SESTD1: variants seen among roughly 807,000 people sequenced by gnomAD.
The protein encoded by SESTD1 is SEC14 domain and spectrin repeat-containing protein 1.
In SESTD1, 43 loss-of-function variants were observed where a neutral mutation model predicts 101.7. The observed-to-expected ratio is 0.42, with a 90% CI of 0.33 to 0.55. SESTD1 has a LOEUF of 0.55. SESTD1 is among the 20% of genes least tolerant of loss of function. The pLI is 0.07. For synonymous variants in SESTD1, 283 were observed against 286.8 expected, an observed-to-expected ratio of 0.99 and a Z score of 0.13; for missense variants, 647 against 815.1, an observed-to-expected ratio of 0.79 and a Z score of 2.51.
intron 10 of SESTD1, among the ~76,000 whole-genome samples, chr2:179,128,483 C>T (rs1056838529): frequency 2.0e-5 from 3 of 152,118 alleles, no homozygotes; most frequent in African/African-American, 7.2e-5. Context: ...GTAATCCCAG[C>T]ACTTTGGGAG....
intron 1 of SESTD1, among the ~76,000 whole-genome samples, chr2:179,259,383 C>G (rs188152325): frequency 6.6e-6 from 1 of 152,042 alleles, no homozygotes; most frequent in Non-Finnish European, 1.5e-5. Context: ...GGTGCCCCCA[C>G]GACACCCGAC....
At chr2:179,171,407 A>T (rs901375861) in intron 5 of SESTD1, among the ~76,000 whole-genome samples, 1 of 152,170 alleles carries the variant, frequency 6.6e-6, no homozygotes, top group African/African-American at 2.4e-5. Context: ...TAGCATGGCA[A>T]GTTCCAAAAT....
At chr2:179,191,410 A>C (rs1159661567) in intron 2 of SESTD1, among the ~76,000 whole-genome samples, 1 of 152,154 alleles carries the variant, frequency 6.6e-6, no homozygotes, top group Non-Finnish European at 1.5e-5. Context: ...TGGGAGCAAC[A>C]GACACTGGAG....
At chr2:179,189,745 T>C (rs1574020266) in intron 2 of SESTD1, among the ~76,000 whole-genome samples, 1 of 151,984 alleles carries the variant, frequency 6.6e-6, no homozygotes, top group Non-Finnish European at 1.5e-5. Flanking sequence ...AAAATCAATA[T>C]ACAAAAATAA....
chr2:179,202,315 GT>G lies in SESTD1; in HGVS notation c.-25-10450del, dbSNP rs1488340072. Among the ~76,000 whole-genome samples, 6 of 133,632 alleles carry G rather than the reference GT, an allele frequency of 4.5e-5. 2 individuals are homozygous for G. The highest frequency in any genetic ancestry group is 1.8e-4 in the African/African-American group (6 of 33,644). 87.7% of individuals were successfully genotyped at this position (133,632 alleles called of 152,430 possible). A position where few individuals can be genotyped will look rare whatever the true frequency, so the allele number is the denominator to read the frequency against. ...AGGCCTAATAAAATAACACTCCCCA[GT>G]TTTTGTCACCTCCTGTCACATTTTC... is the stretch of plus-strand genomic sequence containing the variant. On this transcript the variant is annotated intron_variant, in intron 1 of 17. Coordinates refer to ENST00000428443, the MANE Select transcript of SESTD1 (RefSeq NM_178123.5).
intron 1 of SESTD1, among the ~76,000 whole-genome samples, chr2:179,226,977 G>A (rs2105533160): frequency 6.6e-6 from 1 of 152,306 alleles, no homozygotes; most frequent in East Asian, 1.9e-4. Context: ...AAAGAACTAT[G>A]AATAGAGCAT....
chr2:179,170,210 C>CAAAAAAAAAAAAA (rs538707127), intron 5 of SESTD1, among the ~76,000 whole-genome samples: 3 of 91,276 alleles, frequency 3.3e-5, no homozygotes. Context: ...AATCAGAAAG[C>CAAAAAAAAAAAAA]AAAAAAAAAA....
intron 1 of SESTD1, among the ~76,000 whole-genome samples, chr2:179,260,514 T>G (rs1278661682): frequency 6.6e-6 from 1 of 151,528 alleles, no homozygotes; most frequent in Non-Finnish European, 1.5e-5. Flanking sequence ...AGACCCTGTC[T>G]CAAAAGAAAA....
At chr2:179,179,585 C>T (rs1284307082) in intron 3 of SESTD1, among the ~76,000 whole-genome samples, 2 of 152,196 alleles carry the variant, frequency 1.3e-5, no homozygotes, top group African/African-American at 4.8e-5. Context: ...ATTATAATTA[C>T]TTGTTTACAA....
At chr2:179,188,402 T>C (rs558791713) in intron 2 of SESTD1, among the ~76,000 whole-genome samples, 1 of 152,276 alleles carries the variant, frequency 6.6e-6, no homozygotes, top group South Asian at 2.1e-4. Flanking sequence ...ATACAACGTA[T>C]CAAAGTGAGC....
In SESTD1 at chr2:179,189,014, A is replaced by G. The variant is rs188949673; in HGVS notation, c.55+2773T>C. On this transcript the variant is annotated intron_variant, in intron 2 of 17. Transcript: ENST00000428443. ...TCTACCAGACATACAGAGAAGAGCT[A>G]GTACCAATCCTACTGAAATTATTCC... Among the ~76,000 whole-genome samples the G allele has an allele frequency of 4.5e-4, 69 of 152,312 alleles. No individual in the cohort carries two copies. In the East Asian group the frequency reaches 8.1e-3, roughly 18 times the overall value.
At position 179,106,605 on chromosome 2, in the gene SESTD1, C is replaced by T. The variant is rs2008999; in HGVS notation, c.*3294G>A. 68,660 of 152,000 alleles carry T rather than the reference C, an allele frequency of 0.45. 18,272 individuals are homozygous for T. The highest frequency in any genetic ancestry group is 0.75 in the African/African-American group (31,039 of 41,494). 9.4% of individuals were successfully genotyped at this position (152,000 alleles called of 1,614,324 possible). A position where few individuals can be genotyped will look rare whatever the true frequency, so the allele number is the denominator to read the frequency against. On this transcript the variant is annotated 3_prime_UTR_variant, in exon 18 of 18. Coordinates refer to ENST00000428443, the MANE Select transcript of SESTD1 (RefSeq NM_178123.5). ...CTCCGTATGTCAGCTAATAAGATAA[C>T]GAAATAACAAACATGTTAAGACTAG...
intron 1 of SESTD1, among the ~76,000 whole-genome samples, chr2:179,232,767 G>A (rs892989927): frequency 2.0e-5 from 3 of 152,022 alleles, no homozygotes; most frequent in South Asian, 2.1e-4. Context: ...AAATACAAAA[G>A]AATATATGCA....
At chr2:179,169,704 G>A (rs539311276) in intron 5 of SESTD1, among the ~76,000 whole-genome samples, 25 of 152,136 alleles carry the variant, frequency 1.6e-4, no homozygotes, top group South Asian at 1.0e-3. Context: ...GAAGTCAGCC[G>A]GGCACGGTGC....
chr2:179,204,794 T>C (rs562402695), intron 1 of SESTD1, among the ~76,000 whole-genome samples: 1 of 133,608 alleles, frequency 7.5e-6, no homozygotes, highest in East Asian at 2.0e-4. Context: ...ACCTAAGAAT[T>C]ATAAAAAACA....
intron 16 of SESTD1, among the ~76,000 whole-genome samples, chr2:179,114,082 A>C (rs762855718): frequency 1.3e-5 from 2 of 150,326 alleles, no homozygotes; most frequent in African/African-American, 4.8e-5. Flanking sequence ...TATGTTTTCT[A>C]TGTTAATAGT....
chr2:179,117,949 A>T (rs75679747), intron 13 of SESTD1, among the ~76,000 whole-genome samples: 4,013 of 152,272 alleles, frequency 0.026, 84 homozygotes, highest in Admixed American at 0.035. Flanking sequence ...TTTCAAGGAT[A>T]AAAGTGTAAT....
intron 1 of SESTD1, among the ~76,000 whole-genome samples, chr2:179,212,185 G>A (rs2046659649): frequency 7.5e-6 from 1 of 134,116 alleles, no homozygotes; most frequent in South Asian, 2.9e-4. Context: ...AGCCGAAGCA[G>A]GGCGGGGAGT....
rs551743703 is a variant in SESTD1, at chr2:179,189,353, T to C, written c.55+2434A>G. On this transcript the variant is annotated intron_variant, in intron 2 of 17. Coordinates refer to ENST00000428443, the MANE Select transcript of SESTD1 (RefSeq NM_178123.5). ...ATCTCAATAGATGCAGAAAAAGCCT[T>C]TGATAAAATCCAACATCCTTTCATG... is the stretch of plus-strand genomic sequence containing the variant. Among the ~76,000 whole-genome samples, 460 of 152,296 alleles carry C rather than the reference T, an allele frequency of 3.0e-3. 5 individuals carry two copies. Among genetic ancestry groups the C allele is most frequent in the African/African-American group, 0.011 (443 of 41,566 alleles).
Sources: allele counts gnomAD v4.1 joint callset (sites outside exome capture counted in the v4.1 genomes callset), GRCh38; gene constraint gnomAD v4.1.1; transcripts MANE v1.5; gene names NCBI Gene and HGNC (gene_info 2026-07-23, HGNC 2026-07-21).